The following NCKAP5 variants were observed in gnomAD, a reference collection of about 807,000 sequenced individuals.
NCKAP5 encodes the protein NCK associated protein 5.
Under a neutral mutation model 167.0 loss-of-function variants are expected in NCKAP5, and 92 were observed. The observed-to-expected ratio is 0.55, with a 90% CI of 0.47 to 0.66. The LOEUF is 0.66. Ranked by LOEUF, NCKAP5 falls within the 30% of genes least tolerant of loss-of-function variation. The pLI, the probability that NCKAP5 is intolerant of heterozygous loss-of-function variation, is 0.00. For synonymous variants in NCKAP5, 891 were observed against 877.4 expected, an observed-to-expected ratio of 1.02 and a Z score of -0.27; for missense variants, 2,378 against 2,315.0, an observed-to-expected ratio of 1.03 and a Z score of -0.56.
chr2:133,635,685 G>A, the NCKAP5 span, among the ~76,000 whole-genome samples: 1 of 152,000 alleles, frequency 6.6e-6, no homozygotes, highest in South Asian at 2.1e-4. Flanking sequence ...TAATAAACAC[G>A]TTTATCAAAG....
chr2:133,315,422 G>C (rs779061325), intron 3 of NCKAP5, among the ~76,000 whole-genome samples: 1 of 152,174 alleles, frequency 6.6e-6, no homozygotes, highest in Non-Finnish European at 1.5e-5. Context: ...ATTTGTGCAA[G>C]GGGTGTTGAA....
the NCKAP5 span, among the ~76,000 whole-genome samples, chr2:133,605,383 A>C: frequency 1.3e-5 from 2 of 152,108 alleles, no homozygotes; most frequent in Non-Finnish European, 2.9e-5. Context: ...GCTTGAATTC[A>C]ATCCTGAAGT....
chr2:133,025,440 G>C (rs1420083002), intron 6 of NCKAP5, among the ~76,000 whole-genome samples: 1 of 152,222 alleles, frequency 6.6e-6, no homozygotes, highest in African/African-American at 2.4e-5. Context: ...CTGATGGAAA[G>C]TACAGGTGTA....
intron 8 of NCKAP5, among the ~76,000 whole-genome samples, chr2:132,884,929 C>G (rs73956076): frequency 0.012 from 1,832 of 152,250 alleles, 38 homozygotes; most frequent in African/African-American, 0.042. Context: ...ACATTACTTG[C>G]CTCACGTTTA....
chr2:132,978,597 C>A (rs1237030681), intron 7 of NCKAP5, among the ~76,000 whole-genome samples: 1 of 152,142 alleles, frequency 6.6e-6, no homozygotes, highest in Non-Finnish European at 1.5e-5. Context: ...ACTTGCTGAC[C>A]ATCCTGATCA....
chr2:133,289,375 T>C (rs1679395544), intron 4 of NCKAP5, among the ~76,000 whole-genome samples: 1 of 151,562 alleles, frequency 6.6e-6, no homozygotes, highest in South Asian at 2.1e-4. Context: ...ATTCACCCTC[T>C]GTTTGGCAGC....
the NCKAP5 span, among the ~76,000 whole-genome samples, chr2:133,614,253 C>A: frequency 2.6e-5 from 4 of 152,150 alleles, no homozygotes; most frequent in Non-Finnish European, 5.9e-5. Flanking sequence ...GAAATAGATT[C>A]AGTTCTGTTG....
At chr2:133,137,406 T>TTGTGTGTGTGTGTGTGTG (rs58955655) in intron 5 of NCKAP5, among the ~76,000 whole-genome samples, 144 of 136,292 alleles carry the variant, frequency 1.1e-3, no homozygotes, top group East Asian at 1.9e-3. Context: ...GAGCTTGGTT[T>TTGTGTGTGTGTGTGTGTG]TGTGTGTGTG....
chr2:133,197,612 A>C (rs1296103036), intron 5 of NCKAP5, among the ~76,000 whole-genome samples: 1 of 152,138 alleles, frequency 6.6e-6, no homozygotes, highest in Non-Finnish European at 1.5e-5. Flanking sequence ...TAAAAAAAAA[A>C]CAAAAACAGG....
At chr2:132,722,540 C>T (rs1271339227) in intron 19 of NCKAP5, among the ~76,000 whole-genome samples, 1 of 152,182 alleles carries the variant, frequency 6.6e-6, no homozygotes, top group Non-Finnish European at 1.5e-5. Flanking sequence ...CACTCCCTCC[C>T]TTCCTCATCA....
At chr2:133,447,481 G>GCCTTTCCCCTTCTCTTCCCTT (rs1691273422) in intron 3 of NCKAP5, among the ~76,000 whole-genome samples, 1 of 103,360 alleles carries the variant, frequency 9.7e-6, no homozygotes, top group Non-Finnish European at 1.9e-5. Flanking sequence ...TCCTTTCCCT[G>GCCTTTCCCCTTCTCTTCCCTT]CCTTTCCCCT....
rs1303180764 is a variant in NCKAP5, at chr2:132,672,191, AT to A, written c.*1097del. 8 of 152,642 alleles carry A rather than the reference AT, an allele frequency of 5.2e-5. No homozygotes were observed. Among genetic ancestry groups the A allele is most frequent in the Admixed American group, 3.3e-4 (5 of 15,282 alleles). 9.5% of individuals were successfully genotyped at this position (152,642 alleles called of 1,614,324 possible). On this transcript the variant is annotated 3_prime_UTR_variant, in exon 20 of 20. Transcript: ENST00000409261. ...TTAAAAGTGAACATTGCAAATAGAAATTTGTTTTCATTTTTAGAGTGCCCAG... is the reference window on the plus strand; with the variant it reads ...TTAAAAGTGAACATTGCAAATAGAAATTGTTTTCATTTTTAGAGTGCCCAG...
At chr2:132,904,478 A>G (rs1377550429) in intron 8 of NCKAP5, among the ~76,000 whole-genome samples, 5 of 152,158 alleles carry the variant, frequency 3.3e-5, no homozygotes, top group African/African-American at 1.2e-4. Flanking sequence ...ATGCTTAAAC[A>G]TAAATCTCAT....
At chr2:133,032,544 C>A (rs1199667851) in intron 6 of NCKAP5, among the ~76,000 whole-genome samples, 1 of 152,132 alleles carries the variant, frequency 6.6e-6, no homozygotes, top group Non-Finnish European at 1.5e-5. Flanking sequence ...ACCTCACCAC[C>A]CTGCAGGGAA....
chr2:133,398,031 G>T (rs1272580504), intron 3 of NCKAP5, among the ~76,000 whole-genome samples: 1 of 152,036 alleles, frequency 6.6e-6, no homozygotes, highest in Non-Finnish European at 1.5e-5. Context: ...GCAGGCTCTG[G>T]GGTGGGTAGT....
intron 2 of NCKAP5, among the ~76,000 whole-genome samples, chr2:133,539,528 A>G (rs1001793626): frequency 6.6e-6 from 1 of 152,216 alleles, no homozygotes; most frequent in Admixed American, 6.5e-5. Context: ...CATAAAATAG[A>G]ATACCAATCA....
chr2:133,418,791 T>C (rs1173284400), intron 3 of NCKAP5, among the ~76,000 whole-genome samples: 1 of 152,192 alleles, frequency 6.6e-6, no homozygotes, highest in Non-Finnish European at 1.5e-5. Context: ...CGTTAGTGTT[T>C]CTAATAGGTC....
At chr2:133,626,165 C>A in the NCKAP5 span, among the ~76,000 whole-genome samples, 1 of 152,240 alleles carries the variant, frequency 6.6e-6, no homozygotes, top group East Asian at 1.9e-4. Context: ...CCCTTAGTTC[C>A]ATATGAATTA....
chr2:133,240,136 T>C (rs935460541), intron 4 of NCKAP5, among the ~76,000 whole-genome samples: 16 of 152,176 alleles, frequency 1.1e-4, no homozygotes, highest in African/African-American at 3.6e-4. Context: ...AGTTACGAAC[T>C]TAGCCACCAT....
Sources: gnomAD v4.1 joint callset for allele counts (sites outside exome capture counted in the v4.1 genomes callset) on GRCh38, gnomAD v4.1.1 for gene constraint, MANE v1.5 for transcripts, NCBI Gene and HGNC (gene_info 2026-07-23, HGNC 2026-07-21) for gene names.